Variants in NEK5 observed in about 807,000 individuals in gnomAD.
NEK5 encodes NIMA related kinase 5.
Under a neutral mutation model 109.2 loss-of-function variants are expected in NEK5, and 88 were observed. The observed-to-expected ratio is 0.81, with a 90% confidence interval of 0.68 to 0.96. The LOEUF (loss-of-function observed/expected upper bound fraction) is 0.96, where lower values mean the gene tolerates loss of function less well. Ranked by LOEUF, NEK5 falls within the 40% of genes least tolerant of loss-of-function variation. The pLI, the probability that NEK5 is intolerant of heterozygous loss-of-function variation, is 0.00. For synonymous variants in NEK5, 283 were observed against 299.9 expected (o/e 0.94, Z 0.58); for missense variants, 834 against 920.7 (o/e 0.91, Z 1.22).
chr13:52,079,561 C>T lies in NEK5; in HGVS notation c.1573-3418G>A, dbSNP rs1481053269. On this transcript the variant is annotated intron_variant, in intron 17 of 23. Coordinates refer to ENST00000684899, the MANE Select transcript of NEK5 (RefSeq NM_001365552.1). Reference sequence around the variant, plus strand: ...GAGTGATCCGCCAGCCTCAGCCTCCCGAGGTGCCGGGATTGCAGACGGAGT... The same window carrying T: ...GAGTGATCCGCCAGCCTCAGCCTCCTGAGGTGCCGGGATTGCAGACGGAGT... 5.2e-5 allele frequency among the ~76,000 whole-genome samples: 8 copies of T among 152,398 alleles called. No individual in the cohort carries two copies. The South Asian group carries it at 1.2e-3, about 24-fold the overall frequency.
In NEK5 at chr13:52,127,614, C is replaced by T. The variant is rs1956091143; in HGVS notation, c.-42G>A. Reference sequence around the variant, plus strand: ...ACTCACTTAGCTAAAACTTTCCTCCCAGCCTTGCCAAGACAGAGACAAATA... The same window carrying T: ...ACTCACTTAGCTAAAACTTTCCTCCTAGCCTTGCCAAGACAGAGACAAATA... On this transcript the variant is annotated 5_prime_UTR_variant, in exon 2 of 24. Coordinates refer to ENST00000684899, the MANE Select transcript of NEK5 (RefSeq NM_001365552.1). 1 of 635,530 alleles carries T rather than the reference C, an allele frequency of 1.6e-6. No individual in the cohort carries two copies. The highest frequency in any genetic ancestry group is 2.7e-5 in the Admixed American group (1 of 36,924). The allele number at this position is 635,530 out of a possible 1,614,324, so 39.4% of individuals were successfully genotyped here. A position where few individuals can be genotyped will look rare whatever the true frequency, so the allele number is the denominator to read the frequency against.
intron 9 of NEK5, among the ~76,000 whole-genome samples, chr13:52,102,787 G>T (rs944271438): frequency 6.7e-6 from 1 of 148,560 alleles, no homozygotes; most frequent in African/African-American, 2.4e-5. Flanking sequence ...TCAACAAGAT[G>T]CCATGTTATT....
At position 52,082,368 on chromosome 13, in the gene NEK5, C is replaced by T. The variant is rs1220207383; in HGVS notation, c.1572+892G>A. 4 of 1,183,044 alleles carry T rather than the reference C, an allele frequency of 3.4e-6. No individual in the cohort carries two copies. In the East Asian group the frequency reaches 2.3e-4, roughly 67 times the overall value. The allele number at this position is 1,183,044 out of a possible 1,614,324, so 73.3% of individuals were successfully genotyped here. A position where few individuals can be genotyped will look rare whatever the true frequency, so the allele number is the denominator to read the frequency against. Reference sequence around the variant, plus strand: ...TATGGGCCAAATCATTGAGAATCTTCTTACTAAGCAAAAATAAAAGCACAC... The same window carrying T: ...TATGGGCCAAATCATTGAGAATCTTTTTACTAAGCAAAAATAAAAGCACAC... On this transcript the variant is annotated intron_variant, in intron 17 of 23. Transcript: ENST00000684899.
chr13:52,091,198 A>G (rs2137928634), intron 13 of NEK5, among the ~76,000 whole-genome samples: 1 of 152,304 alleles, frequency 6.6e-6, no homozygotes, highest in African/African-American at 2.4e-5. Context: ...TGGGAGATAT[A>G]AAATCACATG....
At position 52,035,579 on chromosome 13, in the gene NEK5, T is replaced by A. The variant is rs144431464; in HGVS notation, c.*1369A>T. On this transcript the variant is annotated 3_prime_UTR_variant, in exon 24 of 24. Coordinates refer to ENST00000684899, the MANE Select transcript of NEK5 (RefSeq NM_001365552.1). ...ATTGTTATGATCAATTTTAAAAAGTTAGTTTTCCTACACCAAACAGCTTAC... is the reference window on the plus strand; with the variant it reads ...ATTGTTATGATCAATTTTAAAAAGTAAGTTTTCCTACACCAAACAGCTTAC... 14 of 152,312 alleles carry A rather than the reference T, an allele frequency of 9.2e-5. No individual in the cohort carries two copies. In the East Asian group the frequency reaches 1.9e-3, roughly 21 times the overall value. 9.4% of individuals were successfully genotyped at this position (152,312 alleles called of 1,614,324 possible).
intron 17 of NEK5, among the ~76,000 whole-genome samples, chr13:52,081,074 G>A (rs965200294): frequency 6.6e-6 from 1 of 152,098 alleles, no homozygotes; most frequent in Non-Finnish European, 1.5e-5. Flanking sequence ...CATTCTGTTA[G>A]GAACAACTCA....
chr13:52,046,442 G>A (rs1367261680), intron 23 of NEK5, among the ~76,000 whole-genome samples: 1 of 149,300 alleles, frequency 6.7e-6, no homozygotes, highest in Non-Finnish European at 1.5e-5. Context: ...TCGGGCCACT[G>A]CATTCCAGCC....
intron 17 of NEK5, among the ~76,000 whole-genome samples, chr13:52,079,497 T>A (rs1427927747): frequency 6.6e-6 from 1 of 152,278 alleles, no homozygotes; most frequent in Non-Finnish European, 1.5e-5. Context: ...AGACGGGGTT[T>A]CGCTGTGTTG....
chr13:52,114,518 A>C (rs950038327), intron 4 of NEK5, among the ~76,000 whole-genome samples: 1 of 152,202 alleles, frequency 6.6e-6, no homozygotes, highest in African/African-American at 2.4e-5. Flanking sequence ...CGATCCATTC[A>C]GTTATTAACA....
At chr13:52,083,649 G>A (rs1385649864) in intron 16 of NEK5, among the ~76,000 whole-genome samples, 1 of 151,688 alleles carries the variant, frequency 6.6e-6, no homozygotes, top group Non-Finnish European at 1.5e-5. Context: ...CCATTCTCCT[G>A]CCTTAGCCTC....
In NEK5 at chr13:52,063,985, C is replaced by T. The variant is rs1298521090; in HGVS notation, c.1975+1499G>A. The stretch of plus-strand genomic sequence containing the variant: ...CCCCCGCCCAGCCAGCCACCCCGTC[C>T]GGGAGGGAGGTGGGGGGGGGGGTCA... On this transcript the variant is annotated intron_variant, in intron 21 of 23. Transcript: ENST00000684899. Among the ~76,000 whole-genome samples the T allele has an allele frequency of 1.9e-4, 19 of 100,064 alleles. No individual in the cohort carries two copies. The South Asian group carries it at 2.4e-3, about 12-fold the overall frequency. 65.6% of individuals were successfully genotyped at this position (100,064 alleles called of 152,430 possible). A position where few individuals can be genotyped will look rare whatever the true frequency, so the allele number is the denominator to read the frequency against.
In NEK5 at chr13:52,055,635, G is replaced by A. The variant is rs1046100423; in HGVS notation, c.2111-5414C>T. Among the ~76,000 whole-genome samples the A allele has an allele frequency of 6.6e-4, 101 of 152,070 alleles. 2 individuals are homozygous for A. Among genetic ancestry groups the A allele is most frequent in the African/African-American group, 2.0e-3 (82 of 41,396 alleles). On this transcript the variant is annotated intron_variant, in intron 22 of 23. Coordinates refer to ENST00000684899, the MANE Select transcript of NEK5 (RefSeq NM_001365552.1). ...ACTCTACAAGCCAGAACAGAGGGGGGCCAATATTCAACATTCTTAAAGAAA... is the reference window on the plus strand; with the variant it reads ...ACTCTACAAGCCAGAACAGAGGGGGACCAATATTCAACATTCTTAAAGAAA...
chr13:52,052,784 C>T (rs1954519130), intron 22 of NEK5, among the ~76,000 whole-genome samples: 1 of 152,326 alleles, frequency 6.6e-6, no homozygotes, highest in South Asian at 2.1e-4. Flanking sequence ...TTAAAGTTCA[C>T]ATAACAAACC....
At position 52,057,218 on chromosome 13, in the gene NEK5, G is replaced by A. The variant is rs1206635658; in HGVS notation, c.2110+4601C>T. Among the ~76,000 whole-genome samples, 6 of 152,058 alleles carry A rather than the reference G, an allele frequency of 3.9e-5. No individual in the cohort carries two copies. The South Asian group carries it at 6.2e-4, about 16-fold the overall frequency. The stretch of plus-strand genomic sequence containing the variant: ...TCTAGAAGACATGGATAAATTCCTC[G>A]ACACATACACTCTCCCAAGACTAAA... On this transcript the variant is annotated intron_variant, in intron 22 of 23. Transcript: ENST00000684899.
intron 11 of NEK5, among the ~76,000 whole-genome samples, chr13:52,101,170 G>A (rs1179538083): frequency 1.3e-5 from 2 of 152,162 alleles, no homozygotes; most frequent in African/African-American, 2.4e-5. Context: ...AGGCAGAGGC[G>A]GGCGGATCAC....
chr13:52,044,983 T>A (rs1954443844), intron 23 of NEK5, among the ~76,000 whole-genome samples: 1 of 152,052 alleles, frequency 6.6e-6, no homozygotes, highest in South Asian at 2.1e-4. Context: ...AGGAAGAGTA[T>A]TTAGGGGACC....
At chr13:52,074,534 A>G (rs1954834070) in intron 19 of NEK5, among the ~76,000 whole-genome samples, 1 of 152,170 alleles carries the variant, frequency 6.6e-6, no homozygotes, top group African/African-American at 2.4e-5. Context: ...GAATCCTAAA[A>G]GAAAACCTAG....
At chr13:52,117,582 A>C (rs1955885367) in intron 4 of NEK5, among the ~76,000 whole-genome samples, 1 of 152,224 alleles carries the variant, frequency 6.6e-6, no homozygotes, top group South Asian at 2.1e-4. Context: ...ACATGGTATA[A>C]GGAAATACTC....
intron 16 of NEK5, 99 bp from the exon 17 acceptor site, chr13:52,083,451 A>G: frequency 4.2e-6 from 3 of 709,482 alleles, no homozygotes; most frequent in East Asian, 2.6e-5. Flanking sequence ...GCTGGACAGA[A>G]CCCTTTTTAT....
Sources: gnomAD v4.1 joint callset for allele counts (sites outside exome capture counted in the v4.1 genomes callset) on GRCh38, gnomAD v4.1.1 for gene constraint, MANE v1.5 for transcripts, NCBI Gene and HGNC (gene_info 2026-07-23, HGNC 2026-07-21) for gene names.